SAMD5: variants seen among roughly 807,000 people sequenced by gnomAD.
SAMD5 encodes the protein sterile alpha motif domain-containing protein 5.
Under a neutral mutation model 11.3 loss-of-function variants are expected in SAMD5, and 13 were observed. That is an observed-to-expected ratio of 1.15 (90% confidence interval 0.75 to 1.83). The LOEUF (loss-of-function observed/expected upper bound fraction) is 1.83. Among genes scored for constraint, SAMD5 ranks in the 40% most tolerant of loss-of-function variants. SAMD5 has a pLI of 0.00. For missense variants in SAMD5, 255 were observed against 239.1 expected, an observed-to-expected ratio of 1.07 and a Z score of -0.44; for synonymous variants, 129 against 111.3, an observed-to-expected ratio of 1.16 and a Z score of -1.00.
At chr6:147,826,634 A>G in the SAMD5 span, among the ~76,000 whole-genome samples, 1 of 152,122 alleles carries the variant, frequency 6.6e-6, no homozygotes, top group Non-Finnish European at 1.5e-5. Flanking sequence ...TATTGTATTA[A>G]CTTTCAGCAT....
the SAMD5 span, among the ~76,000 whole-genome samples, chr6:147,910,123 C>G: frequency 6.6e-6 from 1 of 152,026 alleles, no homozygotes; most frequent in Non-Finnish European, 1.5e-5. Context: ...AGAATGTGAT[C>G]AGTAGGGTTT....
intron 1 of SAMD5, among the ~76,000 whole-genome samples, chr6:147,648,035 C>G (rs1277123322): frequency 1.3e-5 from 2 of 152,172 alleles, no homozygotes; most frequent in Non-Finnish European, 2.9e-5. Flanking sequence ...TAGGTTGATC[C>G]TGTTAGTGGG....
intron 1 of SAMD5, among the ~76,000 whole-genome samples, chr6:147,727,656 G>A (rs1220971879): frequency 1.3e-4 from 19 of 151,196 alleles, no homozygotes; most frequent in Non-Finnish European, 2.2e-4. Context: ...TAGAGACTTA[G>A]GCATCTGGCT....
At chr6:147,540,783 G>C (rs520091) in intron 1 of SAMD5, among the ~76,000 whole-genome samples, 1 of 151,906 alleles carries the variant, frequency 6.6e-6, no homozygotes, top group Non-Finnish European at 1.5e-5. Context: ...GAGAGGGGGG[G>C]GGTCCAGAAA....
At chr6:147,536,951 T>C (rs1427485565) in intron 1 of SAMD5, among the ~76,000 whole-genome samples, 2 of 152,114 alleles carry the variant, frequency 1.3e-5, no homozygotes, top group East Asian at 3.9e-4. Flanking sequence ...ATTTTATAGC[T>C]GATTATACAA....
chr6:147,691,404 ATCT>A (rs1562352780), intron 1 of SAMD5, among the ~76,000 whole-genome samples: 2 of 152,232 alleles, frequency 1.3e-5, no homozygotes, highest in East Asian at 1.9e-4. Context: ...ATACAAAAAT[ATCT>A]TCTTTTCTCC....
chr6:147,854,710 TC>T, the SAMD5 span, among the ~76,000 whole-genome samples: 4,505 of 152,248 alleles, frequency 0.03, 233 homozygotes, highest in African/African-American at 0.1. Context: ...ATATTCTTGA[TC>T]CACAAGGATT....
chr6:147,828,787 G>A, the SAMD5 span, among the ~76,000 whole-genome samples: 1 of 152,206 alleles, frequency 6.6e-6, no homozygotes, highest in Admixed American at 6.5e-5. Flanking sequence ...GACTAATGCA[G>A]CAGAGTTTGG....
rs1789668741 is a variant in SAMD5, at chr6:147,604,496, A to G, written c.162+95109A>G. Among the ~76,000 whole-genome samples the G allele has an allele frequency of 2.0e-5, 3 of 152,230 alleles. No individual in the cohort carries two copies. The South Asian group carries it at 6.2e-4, about 32-fold the overall frequency. On this transcript the variant is annotated intron_variant, in intron 1 of 1. Coordinates refer to the SAMD5 transcript ENST00000566741. ...AAAATCACGTTCAAGAGAGGGAAAA[A>G]CATAGTTGGCAGAATTGGGGAGTTT...
the SAMD5 span, among the ~76,000 whole-genome samples, chr6:147,880,047 A>G: frequency 6.6e-6 from 1 of 152,206 alleles, no homozygotes; most frequent in African/African-American, 2.4e-5. Flanking sequence ...TGTTTATGGA[A>G]CATCTGCTAT....
chr6:147,925,467 A>G, the SAMD5 span, among the ~76,000 whole-genome samples: 1 of 151,098 alleles, frequency 6.6e-6, no homozygotes. Flanking sequence ...TTGTTATAGG[A>G]ACTATGGAAA....
At chr6:147,940,893 C>T in the SAMD5 span, among the ~76,000 whole-genome samples, 35,026 of 151,884 alleles carry the variant, frequency 0.23, 4,626 homozygotes, top group African/African-American at 0.35. Flanking sequence ...ACTCCGGAGG[C>T]GGAGATTGCA....
chr6:147,740,995 GTT>G (rs200837394), downstream of SAMD5, among the ~76,000 whole-genome samples: 13 of 152,264 alleles, frequency 8.5e-5, no homozygotes, highest in East Asian at 2.5e-3. Flanking sequence ...TAAGTGTGCT[GTT>G]TAATTTTTAA....
chr6:147,885,182 GGT>G, the SAMD5 span, among the ~76,000 whole-genome samples: 1 of 152,120 alleles, frequency 6.6e-6, no homozygotes, highest in Admixed American at 6.6e-5. Flanking sequence ...CTGTAGGCCA[GGT>G]GTGGTCACTC....
intron 1 of SAMD5, among the ~76,000 whole-genome samples, chr6:147,584,138 T>C (rs192873452): frequency 1.3e-5 from 2 of 152,190 alleles, no homozygotes; most frequent in East Asian, 3.9e-4. Context: ...TAGGCATTTT[T>C]ATTATTTTTC....
chr6:147,918,069 A>C, the SAMD5 span, among the ~76,000 whole-genome samples: 6 of 152,110 alleles, frequency 3.9e-5, no homozygotes, highest in Admixed American at 6.5e-5. Context: ...ATGAACTTTA[A>C]AGTAGTTTTT....
exon 2 of SAMD5, chr6:147,737,437 T>C: frequency 3.3e-6 from 3 of 919,260 alleles, no homozygotes; most frequent in African/African-American, 1.7e-5. Flanking sequence ...TGACATTTCT[T>C]TGGACACATA....
At chr6:147,628,800 A>C (rs962713782) in intron 1 of SAMD5, among the ~76,000 whole-genome samples, 2 of 152,160 alleles carry the variant, frequency 1.3e-5, no homozygotes, top group African/African-American at 4.8e-5. Context: ...GAGAACAGAG[A>C]GCAAATCACT....
At chr6:147,931,166 T>C in the SAMD5 span, among the ~76,000 whole-genome samples, 1 of 152,232 alleles carries the variant, frequency 6.6e-6, no homozygotes, top group Non-Finnish European at 1.5e-5. Context: ...ACTTTCCTGG[T>C]GCAAAAGAGT....
Sources: allele counts gnomAD v4.1 joint callset (sites outside exome capture counted in the v4.1 genomes callset), GRCh38; gene constraint gnomAD v4.1.1; transcripts MANE v1.5; gene names NCBI Gene and HGNC (gene_info 2026-07-23, HGNC 2026-07-21).